CHST6: variants seen among roughly 807,000 people sequenced by gnomAD.
The protein encoded by CHST6 is N-acetylglucosamine 6-O-sulfotransferase 5.
For missense variants in CHST6, 698 were observed against 586.2 expected, an observed-to-expected ratio of 1.19 and a Z score of -1.97; for synonymous variants, 309 against 276.4, an observed-to-expected ratio of 1.12 and a Z score of -1.17.
At chr16:75,488,192 G>A (rs182325537) in intron 1 of CHST6, among the ~76,000 whole-genome samples, 1 of 152,084 alleles carries the variant, frequency 6.6e-6, no homozygotes, top group African/African-American at 2.4e-5. Flanking sequence ...ACCTGGGCAC[G>A]GTGGCTCATG....
Position 75,479,663 on chromosome 16 carries a change from C to T in CHST6, c.166G>A (p.Val56Met), listed in dbSNP as rs1424557787. Residue 56 changes from valine (V) to methionine (M), a missense_variant, in exon 3 of 3, where the codon GTG (valine) becomes ATG (methionine). Physicochemically the swap from Val to Met is conservative, Grantham distance 21 (BLOSUM62 1). Transcript: ENST00000332272. ...LSSWRSGSSF[V>M]GQLFNQHPDV... Reference sequence around the variant, plus strand: ...GGGTGCTGGTTGAAGAGTTGGCCCACGAAGGACGAGCCCGAGCGCCACGAG... The same window carrying T: ...GGGTGCTGGTTGAAGAGTTGGCCCATGAAGGACGAGCCCGAGCGCCACGAG... 3 of 1,612,568 alleles carry T rather than the reference C, an allele frequency of 1.9e-6. No individual in the cohort carries two copies. Among genetic ancestry groups the T allele is most frequent in the South Asian group, 2.2e-5 (2 of 91,026 alleles).
intron 1 of CHST6, among the ~76,000 whole-genome samples, chr16:75,485,090 G>T (rs1046861432): frequency 6.6e-6 from 1 of 152,098 alleles, no homozygotes; most frequent in Admixed American, 6.6e-5. Context: ...TGATGGTGAT[G>T]ATGATGATGA....
intron 1 of CHST6, among the ~76,000 whole-genome samples, chr16:75,489,872 G>C (rs2080237589): frequency 6.6e-6 from 1 of 152,058 alleles, no homozygotes; most frequent in South Asian, 2.1e-4. Flanking sequence ...CTCTGAAGAA[G>C]ATACACAAAT....
chr16:75,480,341 C>T (rs1290635690), intron 2 of CHST6, among the ~76,000 whole-genome samples: 1 of 152,156 alleles, frequency 6.6e-6, no homozygotes, highest in African/African-American at 2.4e-5. Context: ...TAATCTCCCA[C>T]ACTACACTGA....
intron 1 of CHST6, among the ~76,000 whole-genome samples, chr16:75,482,960 C>G (rs2080158571): frequency 6.6e-6 from 1 of 152,214 alleles, no homozygotes; most frequent in African/African-American, 2.4e-5. Context: ...CAACGCTCCT[C>G]CAGTGCCAGT....
chr16:75,479,040 A>T lies in CHST6; in HGVS notation c.789T>A (p.Phe263Leu). The T allele has an allele frequency of 6.2e-7, 1 of 1,609,122 alleles. No individual in the cohort carries two copies. Among genetic ancestry groups the T allele is most frequent in the Non-Finnish European group, 8.5e-7 (1 of 1,179,726 alleles). The change falls in exon 3 of 3, where the codon TTT (phenylalanine) becomes TTA (leucine). Residue 263 changes from phenylalanine (F) to leucine (L), a missense_variant. Transcript: ENST00000332272. ...AEAATLKPPP[F>L]LRGRYRLVRF... is the part of the protein sequence containing the mutation. ...GCACCAGGCGGTAGCGGCCGCGCAG[A>T]AAGGGTGGCGGCTTGAGTGTGGCGG...
intron 2 of CHST6, among the ~76,000 whole-genome samples, chr16:75,480,309 G>T (rs2080125980): frequency 6.6e-6 from 1 of 152,198 alleles, no homozygotes; most frequent in Non-Finnish European, 1.5e-5. Context: ...CCACTCCGTA[G>T]CCTGTGGTCT....
chr16:75,479,117 CG>C lies in CHST6; in HGVS notation c.711del (p.Gly238AlafsTer143). On this transcript the variant is annotated frameshift_variant, in exon 3 of 3. Transcript: ENST00000332272. LOFTEE classifies it low-confidence loss of function (END_TRUNC). The part of the protein sequence containing the change: ...GTNGTWVEAD[P>X]GLRVVREVCR... ...CACACCTCGCGCACCACGCGCAGGCCGGGGTCGGCCTCCACCCACGTGCCGT... is the reference window on the plus strand; with the variant it reads ...CACACCTCGCGCACCACGCGCAGGCCGGGTCGGCCTCCACCCACGTGCCGT... 1.2e-6 allele frequency: 2 copies of C among 1,605,334 alleles called. No homozygotes were observed.
intron 1 of CHST6, among the ~76,000 whole-genome samples, chr16:75,491,642 T>C (rs1008791849): frequency 6.6e-6 from 1 of 152,202 alleles, no homozygotes; most frequent in African/African-American, 2.4e-5. Flanking sequence ...AGTGCTGGGA[T>C]TACAGGCGTG....
chr16:75,483,005 G>A (rs34252647), intron 1 of CHST6, among the ~76,000 whole-genome samples: 2,485 of 152,338 alleles, frequency 0.016, 71 homozygotes, highest in African/African-American at 0.052. Context: ...CCAATGGGGC[G>A]CCGAAAGAGA....
At chr16:75,494,121 A>G (rs1314828484) in intron 1 of CHST6, among the ~76,000 whole-genome samples, 1 of 152,180 alleles carries the variant, frequency 6.6e-6, no homozygotes, top group Non-Finnish European at 1.5e-5. Flanking sequence ...CTGGGATTAC[A>G]GGCGTGAACC....
At chr16:75,490,875 T>C (rs144205917) in intron 1 of CHST6, 15 of 152,064 alleles carry the variant, frequency 9.9e-5, no homozygotes, top group Middle Eastern at 3.2e-3. Flanking sequence ...AGCTGATGAA[T>C]AGATAAACAA....
At chr16:75,489,635 C>T (rs765003257) in intron 1 of CHST6, among the ~76,000 whole-genome samples, 6 of 151,644 alleles carry the variant, frequency 4.0e-5, no homozygotes, top group Non-Finnish European at 7.4e-5. Flanking sequence ...TAAAAATACA[C>T]GAATATCAAA....
chr16:75,487,539 G>A (rs777010614), intron 1 of CHST6, among the ~76,000 whole-genome samples: 60 of 151,926 alleles, frequency 3.9e-4, no homozygotes, highest in Non-Finnish European at 6.6e-4. Flanking sequence ...GGTGGCTCAC[G>A]CCTGTAATCA....
rs757041774 is a variant in CHST6, at chr16:75,495,380, C to G, written c.-532G>C. ...CCGGCCGGCAACCCTCGGCGCTGCCCGGTGCAGCCCGCCCGAGCGCACACA... is the reference window on the plus strand; with the variant it reads ...CCGGCCGGCAACCCTCGGCGCTGCCGGGTGCAGCCCGCCCGAGCGCACACA... On this transcript the variant is annotated 5_prime_UTR_variant, in exon 1 of 3. Coordinates refer to ENST00000332272, the MANE Select transcript of CHST6 (RefSeq NM_021615.5). The G allele has an allele frequency of 1.1e-4, 17 of 152,436 alleles. No individual in the cohort carries two copies. The Middle Eastern group carries it at 0.017, about 152-fold the overall frequency. The allele number at this position is 152,436 out of a possible 1,614,324, so 9.4% of individuals were successfully genotyped here.
rs1392498375 is a variant in CHST6, at chr16:75,491,221, A to AAT, written c.-92+3717_-92+3718dup. Among the ~76,000 whole-genome samples the AAT allele has an allele frequency of 1.8e-3, 242 of 133,774 alleles. 3 individuals carry two copies. The highest frequency in any genetic ancestry group is 6.2e-3 in the African/African-American group (214 of 34,362). 87.8% of individuals were successfully genotyped at this position (133,774 alleles called of 152,430 possible). A position where few individuals can be genotyped will look rare whatever the true frequency, so the allele number is the denominator to read the frequency against. On this transcript the variant is annotated intron_variant, in intron 1 of 2. Coordinates refer to ENST00000332272, the MANE Select transcript of CHST6 (RefSeq NM_021615.5). ...TATATATATATATATATATATATAA[A>AAT]ATATAATATACTTATATATAATATA...
At chr16:75,486,376 A>T (rs1173974752) in intron 1 of CHST6, among the ~76,000 whole-genome samples, 3 of 152,198 alleles carry the variant, frequency 2.0e-5, no homozygotes, top group Non-Finnish European at 4.4e-5. Flanking sequence ...TTCTGATAAC[A>T]GTCTCTAGGC....
chr16:75,479,481 G>A lies in CHST6; in HGVS notation c.348C>T (p.Asn116=). 6.2e-7 allele frequency: 1 copy of A among 1,612,968 alleles called. No individual in the cohort carries two copies. Among genetic ancestry groups the A allele is most frequent in the Non-Finnish European group, 8.5e-7 (1 of 1,179,880 alleles). ...CGGCCCACTGGAAGAGGTCGGACAG[G>A]TTGCGGCGCCAAGGCAGATAGGCAT... The part of the protein sequence containing the change: ...VFDAYLPWRR[N]LSDLFQWAVS... The change falls in exon 3 of 3, where the codon AAC becomes AAT. Residue 116 remains asparagine, a synonymous_variant. Coordinates refer to ENST00000332272, the MANE Select transcript of CHST6 (RefSeq NM_021615.5).
chr16:75,484,314 G>C (rs1297701839), intron 1 of CHST6, among the ~76,000 whole-genome samples: 1 of 152,184 alleles, frequency 6.6e-6, no homozygotes, highest in African/African-American at 2.4e-5. Context: ...TCCAGCCTGG[G>C]TGACAGAGCG....
Sources: allele counts gnomAD v4.1 joint callset (sites outside exome capture counted in the v4.1 genomes callset), GRCh38; gene constraint gnomAD v4.1.1; transcripts MANE v1.5; gene names NCBI Gene and HGNC (gene_info 2026-07-23, HGNC 2026-07-21).